ANKRD30B: variants seen among roughly 807,000 people sequenced by gnomAD.
ANKRD30B encodes ankyrin repeat domain 30B, also known as ankyrin repeat domain-containing protein 30B.
In ANKRD30B, 144 loss-of-function variants were observed where a neutral mutation model predicts 202.2. That is an observed-to-expected ratio of 0.71 (90% CI 0.62 to 0.82). The LOEUF (loss-of-function observed/expected upper bound fraction) is 0.82, where lower values mean the gene tolerates loss of function less well. Ranked by LOEUF, ANKRD30B falls within the 40% of genes least tolerant of loss-of-function variation. ANKRD30B has a pLI of 0.00. For synonymous variants in ANKRD30B, 508 were observed against 561.3 expected (o/e 0.91, Z 1.34); for missense variants, 1,487 against 1,669.1 (o/e 0.89, Z 1.90).
At chr18:14,877,505 G>A in the ANKRD30B span, 1 of 151,778 alleles carries the variant, frequency 6.6e-6, no homozygotes, top group African/African-American at 2.4e-5. Flanking sequence ...AATATGCAAA[G>A]TACTTAGCGC....
chr18:14,787,634 A>G (rs766941621), intron 15 of ANKRD30B, among the ~76,000 whole-genome samples: 2 of 152,216 alleles, frequency 1.3e-5, no homozygotes, highest in African/African-American at 4.8e-5. Context: ...CCTTGTGGGA[A>G]TATAATAACA....
intron 6 of ANKRD30B, 138 bp from the exon 7 acceptor site, chr18:14,763,547 CA>C (rs914552768): frequency 1.8e-4 from 218 of 1,245,186 alleles, no homozygotes; most frequent in Non-Finnish European, 1.9e-4. Flanking sequence ...AAGACTCCAT[CA>C]AAAAAAAGAG....
chr18:14,908,532 C>T, the ANKRD30B span, among the ~76,000 whole-genome samples: 1 of 152,340 alleles, frequency 6.6e-6, no homozygotes, highest in Admixed American at 6.5e-5. Context: ...CACTCTGCGC[C>T]TCACTGTGCC....
chr18:14,778,048 A>G lies in ANKRD30B; in HGVS notation c.1393A>G (p.Ile465Val). The G allele has an allele frequency of 6.5e-7, 1 of 1,548,102 alleles. No individual in the cohort carries two copies. The change falls in exon 10 of 44, where the codon ATC (isoleucine) becomes GTC (valine). Residue 465 changes from isoleucine to valine, a missense_variant. Physicochemically the swap from Ile to Val is conservative, Grantham distance 29. This residue lies in a region of ANKRD30B where 889 missense variants were observed against 841.4 expected (regional missense o/e 1.06). Coordinates refer to ENST00000690538, the MANE Select transcript of ANKRD30B (RefSeq NM_001367607.2). ...CLPDATYQKD[I>V]KTINHKIEDQ... ...ACCTGATGCTACATATCAAAAAGAT[A>G]TCAAAACAATAAATCACAAAATAGA...
rs1238222434 is a variant in ANKRD30B, at chr18:14,808,949, T to A, written c.2386+205T>A. On this transcript the variant is annotated intron_variant, in intron 26 of 43. Transcript: ENST00000690538. Reference sequence around the variant, plus strand: ...GAGATAAAAAAAATTCAGCTTTGCCTCATGTGGATATCTGTCCAGCAGCCT... The same window carrying A: ...GAGATAAAAAAAATTCAGCTTTGCCACATGTGGATATCTGTCCAGCAGCCT... 1.3e-5 allele frequency among the ~76,000 whole-genome samples: 2 copies of A among 150,876 alleles called. 1 individual carries two copies. Among genetic ancestry groups the A allele is most frequent in the Non-Finnish European group, 3.0e-5 (2 of 67,790 alleles).
At chr18:14,749,017 A>AT (rs974427579) in intron 1 of ANKRD30B, among the ~76,000 whole-genome samples, 1 of 152,266 alleles carries the variant, frequency 6.6e-6, no homozygotes, top group African/African-American at 2.4e-5. Flanking sequence ...ATAATGTTAG[A>AT]TACACTATGA....
chr18:14,817,990 T>C (rs1317493149), intron 30 of ANKRD30B, among the ~76,000 whole-genome samples: 1 of 152,126 alleles, frequency 6.6e-6, no homozygotes, highest in Non-Finnish European at 1.5e-5. Context: ...TGATCAATCA[T>C]CTCTGAAGGG....
At chr18:14,867,021 G>C in the ANKRD30B span, among the ~76,000 whole-genome samples, 1 of 150,522 alleles carries the variant, frequency 6.6e-6, no homozygotes, top group Non-Finnish European at 1.5e-5. Context: ...ATTGTCCGTG[G>C]GGGAAAGGGG....
At chr18:14,766,920 A>T (rs530419916) in intron 7 of ANKRD30B, among the ~76,000 whole-genome samples, 17 of 152,330 alleles carry the variant, frequency 1.1e-4, no homozygotes, top group Admixed American at 1.1e-3. Flanking sequence ...AATTAGATTT[A>T]ACTTACAAGT....
chr18:14,769,088 G>C (rs1916695920), intron 7 of ANKRD30B, among the ~76,000 whole-genome samples: 3 of 152,132 alleles, frequency 2.0e-5, no homozygotes, highest in Non-Finnish European at 4.4e-5. Flanking sequence ...CAAAGTGTTG[G>C]AATATTATGC....
the ANKRD30B span, among the ~76,000 whole-genome samples, chr18:14,903,919 G>A: frequency 6.6e-6 from 1 of 152,202 alleles, no homozygotes; most frequent in African/African-American, 2.4e-5. Flanking sequence ...AGATACCTGT[G>A]TAAGCTATTA....
At chr18:14,783,125 C>A (rs879859888) in intron 12 of ANKRD30B, among the ~76,000 whole-genome samples, 3 of 152,080 alleles carry the variant, frequency 2.0e-5, no homozygotes, top group Non-Finnish European at 4.4e-5. Context: ...ATGGAATTAT[C>A]TGAGCATGCA....
downstream of ANKRD30B, among the ~76,000 whole-genome samples, chr18:14,856,059 G>A (rs1382217486): frequency 7.3e-6 from 1 of 136,550 alleles, no homozygotes; most frequent in African/African-American, 2.7e-5. Context: ...CCGGGCAGAG[G>A]CGCTCCTCAC....
rs183555080 is a variant in ANKRD30B, at chr18:14,854,233, C to A, written c.*75C>A. ...TATTGTGAACATTTGCTTCTTTTTC[C>A]ATTTTAAAGTTAAACAAGAAGAAAA... On this transcript the variant is annotated 3_prime_UTR_variant, in exon 44 of 44. Coordinates refer to ENST00000690538, the MANE Select transcript of ANKRD30B (RefSeq NM_001367607.2). Among the ~76,000 whole-genome samples, 609 of 151,380 alleles carry A rather than the reference C, an allele frequency of 4.0e-3. 3 individuals carry two copies. Among genetic ancestry groups the A allele is most frequent in the African/African-American group, 0.014 (594 of 41,240 alleles).
At chr18:14,819,132 A>T (rs1970275269) in intron 30 of ANKRD30B, among the ~76,000 whole-genome samples, 1 of 149,826 alleles carries the variant, frequency 6.7e-6, no homozygotes. Context: ...GCATTTTTTC[A>T]TGTGTTTTTT....
intron 16 of ANKRD30B, among the ~76,000 whole-genome samples, chr18:14,794,763 T>G (rs758489108): frequency 2.0e-5 from 3 of 152,198 alleles, no homozygotes; most frequent in Non-Finnish European, 4.4e-5. Context: ...TGTGTGTGTT[T>G]TAGAGAGTTT....
the ANKRD30B span, among the ~76,000 whole-genome samples, chr18:14,921,449 G>T: frequency 6.6e-6 from 1 of 152,186 alleles, no homozygotes; most frequent in East Asian, 1.9e-4. Context: ...CCAGGCTTCT[G>T]TGAGCAGGAG....
chr18:14,748,512 CGG>C lies in ANKRD30B; in HGVS notation c.95_96del (p.Gly32AspfsTer68). On this transcript the variant is annotated frameshift_variant, in exon 1 of 44. Transcript: ENST00000690538. LOFTEE classifies it high-confidence loss of function. ...SERVYTEKDY[G>X]TIYFGDLGKI... ...AACGGGTCTACACTGAGAAGGACTA[CGG>C]GACCATCTACTTCGGGGATCTAGGG... 1 of 1,552,030 alleles carries C rather than the reference CGG, an allele frequency of 6.4e-7. No individual in the cohort carries two copies. Among genetic ancestry groups the C allele is most frequent in the Non-Finnish European group, 8.7e-7 (1 of 1,147,122 alleles).
chr18:14,903,728 A>C, the ANKRD30B span: 2 of 152,180 alleles, frequency 1.3e-5, no homozygotes, highest in African/African-American at 2.4e-5. Context: ...GCACTCCTTC[A>C]GTTTCACATC....
Sources: allele counts gnomAD v4.1 joint callset (sites outside exome capture counted in the v4.1 genomes callset), GRCh38; gene constraint gnomAD v4.1.1; regional missense constraint gnomAD v4.1.1; transcripts MANE v1.5; gene names NCBI Gene and HGNC (gene_info 2026-07-23, HGNC 2026-07-21).